Variants in GLTPD2 observed in about 807,000 individuals in gnomAD.
The protein encoded by GLTPD2 is glycolipid transfer protein domain containing 2, also known as glycolipid transfer protein domain-containing protein 2.
A neutral mutation model predicts 12.9 loss-of-function variants in GLTPD2; 12 were observed. The observed-to-expected ratio is 0.93, with a 90% CI of 0.59 to 1.50. The LOEUF (loss-of-function observed/expected upper bound fraction) is 1.50, where lower values mean the gene tolerates loss of function less well. Among genes scored for constraint, GLTPD2 ranks in the 40% most tolerant of loss-of-function variants. GLTPD2 has a pLI of 0.00. For synonymous variants in GLTPD2, 199 were observed against 205.6 expected, an observed-to-expected ratio of 0.97 and a Z score of 0.27; for missense variants, 450 against 426.2, an observed-to-expected ratio of 1.06 and a Z score of -0.49.
rs946721858 is a variant in GLTPD2, at chr17:4,790,200, G to A, written c.780G>A (p.Ala260=). The A allele has an allele frequency of 1.4e-6, 2 of 1,480,082 alleles. No homozygotes were observed. Among genetic ancestry groups the A allele is most frequent in the Admixed American group, 2.4e-5 (1 of 42,304 alleles). The allele number at this position is 1,480,082 out of a possible 1,614,324, so 91.7% of individuals were successfully genotyped here. ...LACPGATEAE[A]RAALVRAAGT... is the part of the protein sequence containing the mutation. ...GTCCCGGAGCCACCGAGGCGGAGGC[G>A]CGGGCCGCGCTGGTCCGGGCCGCCG... The change falls in exon 4 of 4, where the codon GCG becomes GCA. Residue 260 remains alanine, a synonymous_variant. Transcript: ENST00000331264.
chr17:4,789,043 G>A lies in GLTPD2; in HGVS notation c.32G>A (p.Arg11Gln). 2 of 1,613,526 alleles carry A rather than the reference G, an allele frequency of 1.2e-6. No individual in the cohort carries two copies. Among genetic ancestry groups the A allele is most frequent in the Non-Finnish European group, 1.7e-6 (2 of 1,179,858 alleles). MGVAARPPAL[R>Q]HWFSHSIPLA... ...GTGGCGGCGCGGCCCCCAGCCCTGC[G>A]GCACTGGTTCAGCCACTCAATTCCT... Residue 11 changes from arginine (R) to glutamine (Q), a missense_variant, in exon 1 of 4, where the codon CGG (arginine) becomes CAG (glutamine). Transcript: ENST00000331264.
At position 4,789,028 on chromosome 17, in the gene GLTPD2, G is replaced by A. The variant is rs200715683; in HGVS notation, c.17G>A (p.Arg6Gln). The A allele has an allele frequency of 2.5e-5, 40 of 1,612,344 alleles. No homozygotes were observed. Among genetic ancestry groups the A allele is most frequent in the Admixed American group, 1.7e-5 (1 of 59,944 alleles). The change falls in exon 1 of 4, where the codon CGG becomes CAG. Residue 6 changes from arginine to glutamine, a missense_variant. Physicochemically the swap from Arg to Gln is conservative, Grantham distance 43. Coordinates refer to ENST00000331264, the MANE Select transcript of GLTPD2 (RefSeq NM_001014985.3). Reference sequence around the variant, plus strand: ...GCAGCAGGCATGGGAGTGGCGGCGCGGCCCCCAGCCCTGCGGCACTGGTTC... The same window carrying A: ...GCAGCAGGCATGGGAGTGGCGGCGCAGCCCCCAGCCCTGCGGCACTGGTTC... Reference protein sequence around the residue: MGVAARPPALRHWFSH... With the variant: MGVAAQPPALRHWFSH...
chr17:4,790,385 G>A lies in GLTPD2; in HGVS notation c.*89G>A, dbSNP rs1567712846. Reference sequence around the variant, plus strand: ...GGGTCAGTCCTGCAGCCCGCGCCGCGGCCGCCTCCGTATCCCGCCTCTTCC... The same window carrying A: ...GGGTCAGTCCTGCAGCCCGCGCCGCAGCCGCCTCCGTATCCCGCCTCTTCC... On this transcript the variant is annotated 3_prime_UTR_variant, in exon 4 of 4. Coordinates refer to ENST00000331264, the MANE Select transcript of GLTPD2 (RefSeq NM_001014985.3). 1.8e-6 allele frequency: 2 copies of A among 1,106,306 alleles called. No homozygotes were observed. The highest frequency in any genetic ancestry group is 2.3e-6 in the Non-Finnish European group (2 of 855,378). The allele number at this position is 1,106,306 out of a possible 1,614,324, so 68.5% of individuals were successfully genotyped here.
In GLTPD2 at chr17:4,790,254, C is replaced by A. The variant is rs948894506; in HGVS notation, c.834C>A (p.Thr278=). The change falls in exon 4 of 4, where the codon ACC becomes ACA. Residue 278 remains threonine, a synonymous_variant. Coordinates refer to ENST00000331264, the MANE Select transcript of GLTPD2 (RefSeq NM_001014985.3). ...CCTTGGAGGATGTCTACAACCGCAC[C>A]CAGAGCCTGCTGGCCGAGCGCGGCC... ...AGTLEDVYNR[T]QSLLAERGLL... is the part of the protein sequence containing the mutation. The A allele has an allele frequency of 2.0e-6, 3 of 1,482,968 alleles. No individual in the cohort carries two copies. The highest frequency in any genetic ancestry group is 2.9e-5 in the African/African-American group (2 of 68,534). 91.9% of individuals were successfully genotyped at this position (1,482,968 alleles called of 1,614,324 possible).
Position 4,789,954 on chromosome 17 carries a change from G to T in GLTPD2, c.534G>T (p.Ser178=). Residue 178 remains serine (S), a synonymous_variant, in exon 4 of 4, where the codon TCG becomes TCT. Coordinates refer to ENST00000331264, the MANE Select transcript of GLTPD2 (RefSeq NM_001014985.3). The part of the protein sequence containing the change: ...GAAPRDPTRS[S]GSRTLLLLHR... ...CCCCCCGGGACCCGACCCGGAGCTC[G>T]GGCTCTCGCACGCTGCTCCTGCTGC... 6.5e-7 allele frequency: 1 copy of T among 1,537,010 alleles called. No homozygotes were observed. Among genetic ancestry groups the T allele is most frequent in the South Asian group, 1.2e-5 (1 of 83,510 alleles).
At position 4,789,540 on chromosome 17, in the gene GLTPD2, C is replaced by T. The variant is rs149917895; in HGVS notation, c.201C>T (p.Ala67=). 100 of 1,613,982 alleles carry T rather than the reference C, an allele frequency of 6.2e-5. No individual in the cohort carries two copies. In the African/African-American group the frequency reaches 1.1e-3, roughly 18 times the overall value. ...GGCAGGAGTCGGGAACCCTGGAGGC[C>T]CCGGAGAGGAAACAGCCTCCGTGTC... ...QVRQESGTLE[A]PERKQPPCLG... is the part of the protein sequence containing the mutation. Residue 67 remains alanine (A), a synonymous_variant, in exon 3 of 4, where the codon GCC becomes GCT. Coordinates refer to ENST00000331264, the MANE Select transcript of GLTPD2 (RefSeq NM_001014985.3).
rs1917626473 is a variant in GLTPD2 at position 4,790,005 on chromosome 17, C to G, written c.585C>G (p.Leu195=). 2 of 1,474,800 alleles carry G rather than the reference C, an allele frequency of 1.4e-6. No individual in the cohort carries two copies. Among genetic ancestry groups the G allele is most frequent in the East Asian group, 2.8e-5 (1 of 35,440 alleles). The allele number at this position is 1,474,800 out of a possible 1,614,324, so 91.4% of individuals were successfully genotyped here. A position where few individuals can be genotyped will look rare whatever the true frequency, so the allele number is the denominator to read the frequency against. Reference sequence around the variant, plus strand: ...ACCGCGCGCTGCGCTGGTCCCAGCTCTGCCTCCACCGGGTGGCGACCGGCG... The same window carrying G: ...ACCGCGCGCTGCGCTGGTCCCAGCTGTGCCTCCACCGGGTGGCGACCGGCG... ...LLHRALRWSQ[L]CLHRVATGAL... Residue 195 remains leucine (L), a synonymous_variant, in exon 4 of 4, where the codon CTC becomes CTG. Coordinates refer to ENST00000331264, the MANE Select transcript of GLTPD2 (RefSeq NM_001014985.3).
intron 2 of GLTPD2, 30 bp downstream of exon 2, chr17:4,789,320 G>T: frequency 6.5e-7 from 1 of 1,541,580 alleles, no homozygotes. Context: ...GGGCGCGGGC[G>T]CTCCAGGAGG....
At position 4,789,096 on chromosome 17, in the gene GLTPD2, T is replaced by C. The variant is rs1423840504; in HGVS notation, c.85T>C (p.Tyr29His). 6.2e-7 allele frequency: 1 copy of C among 1,614,034 alleles called. No homozygotes were observed. Among genetic ancestry groups the C allele is most frequent in the Non-Finnish European group, 8.5e-7 (1 of 1,179,916 alleles). Residue 29 changes from tyrosine to histidine, a missense_variant, in exon 1 of 4, where the codon TAT becomes CAT. Tyr to His is a moderately conservative substitution (Grantham distance 83). Coordinates refer to ENST00000331264, the MANE Select transcript of GLTPD2 (RefSeq NM_001014985.3). ...PLAIFALLLL[Y>H]LSVRSLGARS... ...CGCTATCTTCGCGCTGCTGCTGCTTTATCTCAGTGTTCGGAGCCTAGGTGA... is the reference window on the plus strand; with the variant it reads ...CGCTATCTTCGCGCTGCTGCTGCTTCATCTCAGTGTTCGGAGCCTAGGTGA...
chr17:4,790,108 G>C lies in GLTPD2; in HGVS notation c.688G>C (p.Val230Leu). The C allele has an allele frequency of 7.0e-7, 1 of 1,435,396 alleles. No homozygotes were observed. The highest frequency in any genetic ancestry group is 9.1e-7 in the Non-Finnish European group (1 of 1,104,788). The allele number at this position is 1,435,396 out of a possible 1,614,324, so 88.9% of individuals were successfully genotyped here. The change falls in exon 4 of 4, where the codon GTC becomes CTC. Residue 230 changes from valine (V) to leucine (L), a missense_variant. By Grantham distance (32) the Val-to-Leu change is conservative (BLOSUM62 1). Transcript: ENST00000331264. ...AALGPHHPWL[V>L]RQTARLAFLA... ...CCTGGGTCCGCATCACCCCTGGCTGGTCCGACAGACCGCCCGCCTCGCCTT... is the reference window on the plus strand; with the variant it reads ...CCTGGGTCCGCATCACCCCTGGCTGCTCCGACAGACCGCCCGCCTCGCCTT...
Position 4,789,937 on chromosome 17 carries a change from G to A in GLTPD2, c.517G>A (p.Asp173Asn), listed in dbSNP as rs1256610913. Residue 173 changes from aspartate (D) to asparagine (N), a missense_variant, in exon 4 of 4, where the codon GAC (aspartate) becomes AAC (asparagine). Physicochemically the swap from Asp to Asn is conservative, Grantham distance 23. Coordinates refer to ENST00000331264, the MANE Select transcript of GLTPD2 (RefSeq NM_001014985.3). ...GGAGCAGCCGGGGGCGGCCCCCCGG[G>A]ACCCGACCCGGAGCTCGGGCTCTCG... The part of the protein sequence containing the change: ...LLEQPGAAPR[D>N]PTRSSGSRTL... 4 of 1,540,472 alleles carry A rather than the reference G, an allele frequency of 2.6e-6. No individual in the cohort carries two copies. Among genetic ancestry groups the A allele is most frequent in the Admixed American group, 2.0e-5 (1 of 50,366 alleles).
In GLTPD2 at chr17:4,790,208, C is replaced by T. The variant is rs1469496789; in HGVS notation, c.788C>T (p.Ala263Val). The T allele has an allele frequency of 1.3e-6, 2 of 1,482,444 alleles. No homozygotes were observed. Among genetic ancestry groups the T allele is most frequent in the Non-Finnish European group, 1.8e-6 (2 of 1,124,236 alleles). 91.8% of individuals were successfully genotyped at this position (1,482,444 alleles called of 1,614,324 possible). A position where few individuals can be genotyped will look rare whatever the true frequency, so the allele number is the denominator to read the frequency against. ...GCCACCGAGGCGGAGGCGCGGGCCG[C>T]GCTGGTCCGGGCCGCCGGCACCTTG... ...PGATEAEARA[A>V]LVRAAGTLED... Residue 263 changes from alanine (A) to valine (V), a missense_variant, in exon 4 of 4, where the codon GCG becomes GTG. By Grantham distance (64) the Ala-to-Val change is moderately conservative. Coordinates refer to ENST00000331264, the MANE Select transcript of GLTPD2 (RefSeq NM_001014985.3).
rs1055117379 is a variant in GLTPD2, at chr17:4,789,656, C to A, written c.317C>A (p.Ala106Glu). 24 of 1,612,822 alleles carry A rather than the reference C, an allele frequency of 1.5e-5. No individual in the cohort carries two copies. The highest frequency in any genetic ancestry group is 1.9e-5 in the Non-Finnish European group (23 of 1,179,858). ...EGDVGLSPYL[A>E]GWRALVEFLT... ...GATGTGGGGCTGTCGCCGTACCTGGCGGGATGGAGGGCACTCGTCGAGTGA... is the reference window on the plus strand; with the variant it reads ...GATGTGGGGCTGTCGCCGTACCTGGAGGGATGGAGGGCACTCGTCGAGTGA... The change falls in exon 3 of 4, where the codon GCG (alanine) becomes GAG (glutamate). Residue 106 changes from alanine to glutamate, a missense_variant. Ala to Glu is a moderately radical substitution (Grantham distance 107). Coordinates refer to ENST00000331264, the MANE Select transcript of GLTPD2 (RefSeq NM_001014985.3).
rs1322860379 is a variant in GLTPD2 at position 4,789,836 on chromosome 17, G to A, written c.416G>A (p.Arg139Gln). 1.2e-6 allele frequency: 2 copies of A among 1,608,914 alleles called. No individual in the cohort carries two copies. Among genetic ancestry groups the A allele is most frequent in the Admixed American group, 1.7e-5 (1 of 59,306 alleles). ...AFTKVTDLEA[R>Q]VHGPDAEHYW... ...ACCAAGGTGACAGACCTGGAGGCTC[G>A]GGTGCACGGCCCGGACGCGGAGCAC... Residue 139 changes from arginine to glutamine, a missense_variant, in exon 4 of 4, where the codon CGG (arginine) becomes CAG (glutamine). Coordinates refer to ENST00000331264, the MANE Select transcript of GLTPD2 (RefSeq NM_001014985.3).
Position 4,790,350 on chromosome 17 carries a change from G to A in GLTPD2, c.*54G>A, listed in dbSNP as rs1917640065. The A allele has an allele frequency of 3.7e-6, 5 of 1,352,560 alleles. No homozygotes were observed. Among genetic ancestry groups the A allele is most frequent in the Non-Finnish European group, 4.8e-6 (5 of 1,050,786 alleles). The allele number at this position is 1,352,560 out of a possible 1,614,324, so 83.8% of individuals were successfully genotyped here. ...GGAGCGGACCGCCCGGGGTGGGGCC[G>A]CGCAGCCCGGGGTCAGTCCTGCAGC... On this transcript the variant is annotated 3_prime_UTR_variant, in exon 4 of 4. Coordinates refer to ENST00000331264, the MANE Select transcript of GLTPD2 (RefSeq NM_001014985.3).
intron 3 of GLTPD2, 24 bp from the exon 4 acceptor site, chr17:4,789,735 T>C (rs1264613310): frequency 6.2e-7 from 1 of 1,613,428 alleles, no homozygotes; most frequent in Non-Finnish European, 8.5e-7. Context: ...CCATCTCCAT[T>C]CTCTCAAATC....
At position 4,789,616 on chromosome 17, in the gene GLTPD2, C is replaced by A. The variant is rs370099524; in HGVS notation, c.277C>A (p.Leu93Met). 1 of 1,614,006 alleles carries A rather than the reference C, an allele frequency of 6.2e-7. No homozygotes were observed. The highest frequency in any genetic ancestry group is 1.7e-5 in the Admixed American group (1 of 60,032). ...CATGATGAGGCGGTTCCACGCCAGT[C>A]TGAAACCCGAAGGGGATGTGGGGCT... is the stretch of plus-strand genomic sequence containing the variant. ...GRMMRRFHASLKPEGDVGLSP... is the reference protein window; with the variant it reads ...GRMMRRFHASMKPEGDVGLSP... The change falls in exon 3 of 4, where the codon CTG becomes ATG. Residue 93 changes from leucine (L) to methionine (M), a missense_variant. Transcript: ENST00000331264.
Position 4,789,980 on chromosome 17 carries a change from AC to A in GLTPD2, c.562del (p.Arg188AlafsTer144), listed in dbSNP as rs1917625868. ...GGCTCTCGCACGCTGCTCCTGCTGC[AC>A]CGCGCGCTGCGCTGGTCCCAGCTCT... ...SSGSRTLLLL[H>X]RALRWSQLCL... On this transcript the variant is annotated frameshift_variant, in exon 4 of 4. Coordinates refer to ENST00000331264, the MANE Select transcript of GLTPD2 (RefSeq NM_001014985.3). LOFTEE classifies it low-confidence loss of function (END_TRUNC). The A allele has an allele frequency of 6.6e-7, 1 of 1,521,554 alleles. No homozygotes were observed. The highest frequency in any genetic ancestry group is 1.4e-5 in the African/African-American group (1 of 70,624). 94.3% of individuals were successfully genotyped at this position (1,521,554 alleles called of 1,614,324 possible).
rs1380992786 is a variant in GLTPD2 at position 4,789,575 on chromosome 17, G to A, written c.236G>A (p.Arg79Gln). 1 of 1,614,002 alleles carries A rather than the reference G, an allele frequency of 6.2e-7. No individual in the cohort carries two copies. Among genetic ancestry groups the A allele is most frequent in the Non-Finnish European group, 8.5e-7 (1 of 1,179,942 alleles). Residue 79 changes from arginine to glutamine, a missense_variant, in exon 3 of 4, where the codon CGG becomes CAG. Arg to Gln is a conservative substitution (Grantham distance 43). Transcript: ENST00000331264. ...ERKQPPCLGP[R>Q]GMLGRMMRRF... is the part of the protein sequence containing the mutation. The stretch of plus-strand genomic sequence containing the variant: ...AAACAGCCTCCGTGTCTGGGCCCTC[G>A]GGGGATGCTGGGCCGCATGATGAGG...
Sources: allele counts gnomAD v4.1 joint callset, GRCh38; gene constraint gnomAD v4.1.1; transcripts MANE v1.5; gene names NCBI Gene and HGNC (gene_info 2026-07-23, HGNC 2026-07-21).